Variants in SOX5 observed in about 807,000 individuals in gnomAD.
SOX5 encodes the protein transcription factor SOX-5.
SOX5 carries 9 observed loss-of-function variants against 92.0 expected under a neutral mutation model. That is an observed-to-expected ratio of 0.10 (90% CI 0.06 to 0.17). SOX5 has a LOEUF of 0.17. Among genes scored for constraint, SOX5 ranks in the 10% least tolerant of loss-of-function variants. The pLI, the probability that SOX5 is intolerant of heterozygous loss-of-function variation, is 1.00. For synonymous variants in SOX5, 344 were observed against 336.3 expected, an observed-to-expected ratio of 1.02 and a Z score of -0.25; for missense variants, 642 against 944.5, an observed-to-expected ratio of 0.68 and a Z score of 4.20.
At chr12:23,917,510 A>G (rs1284876193) in intron 1 of SOX5, among the ~76,000 whole-genome samples, 2 of 152,166 alleles carry the variant, frequency 1.3e-5, no homozygotes, top group African/African-American at 2.4e-5. Context: ...CTAAGATTGC[A>G]CCACTGCACT....
At chr12:23,624,150 G>A (rs768001290) in intron 8 of SOX5, among the ~76,000 whole-genome samples, 1 of 152,096 alleles carries the variant, frequency 6.6e-6, no homozygotes, top group African/African-American at 2.4e-5. Context: ...TTCATAGAGA[G>A]TGAAGGTAGA....
At chr12:24,168,572 C>T (rs909929852) in intron 4 of SOX5, among the ~76,000 whole-genome samples, 2 of 151,960 alleles carry the variant, frequency 1.3e-5, no homozygotes, top group Non-Finnish European at 2.9e-5. Context: ...TATACTGAAG[C>T]AGGAATGGCT....
intron 1 of SOX5, among the ~76,000 whole-genome samples, chr12:23,946,067 A>G (rs914943329): frequency 2.0e-5 from 3 of 152,118 alleles, no homozygotes; most frequent in Non-Finnish European, 4.4e-5. Flanking sequence ...TAAGAAAAAA[A>G]TTATTTAGTC....
At chr12:23,536,970 C>T (rs1035138151) in intron 13 of SOX5, among the ~76,000 whole-genome samples, 1 of 151,852 alleles carries the variant, frequency 6.6e-6, no homozygotes, top group Non-Finnish European at 1.5e-5. Context: ...TACATTAGAT[C>T]ATGATATAAT....
chr12:23,787,254 G>C (rs558969061), intron 3 of SOX5, among the ~76,000 whole-genome samples: 1 of 152,104 alleles, frequency 6.6e-6, no homozygotes, highest in Admixed American at 6.5e-5. Flanking sequence ...AAAGTAACTG[G>C]TATGATAAAG....
At chr12:24,346,606 C>T in intron 2 of SOX5, among the ~76,000 whole-genome samples, 1 of 152,004 alleles carries the variant, frequency 6.6e-6, no homozygotes, top group East Asian at 1.9e-4. Flanking sequence ...GTGCGTGCCA[C>T]CATGTCCAGC....
At chr12:24,503,323 GA>G (rs1948407283) in intron 1 of SOX5, among the ~76,000 whole-genome samples, 1 of 152,204 alleles carries the variant, frequency 6.6e-6, no homozygotes. Context: ...CTGGAAGCCA[GA>G]AGTTCAAGTC....
chr12:23,779,826 C>CACAA (rs1181590235), intron 3 of SOX5, among the ~76,000 whole-genome samples: 1 of 140,232 alleles, frequency 7.1e-6, no homozygotes, highest in African/African-American at 2.6e-5. Context: ...CACACACACA[C>CACAA]ACACACACAC....
At chr12:24,095,128 C>CACACACACACACAGAG (rs1345578614) in intron 4 of SOX5, among the ~76,000 whole-genome samples, 1 of 90,214 alleles carries the variant, frequency 1.1e-5, no homozygotes, top group Non-Finnish European at 2.3e-5. Flanking sequence ...CACACACACA[C>CACACACACACACAGAG]AGAGAGAGAG....
At chr12:23,622,621 T>C (rs1379569229) in intron 8 of SOX5, among the ~76,000 whole-genome samples, 1 of 152,136 alleles carries the variant, frequency 6.6e-6, no homozygotes, top group East Asian at 1.9e-4. Context: ...TTATCTCACA[T>C]AATTGGGAAA....
intron 3 of SOX5, among the ~76,000 whole-genome samples, chr12:23,839,966 A>G (rs1312692489): frequency 6.7e-6 from 1 of 148,510 alleles, no homozygotes; most frequent in Non-Finnish European, 1.5e-5. Flanking sequence ...CATTGTACTG[A>G]AACTCCTAGC....
rs539607763 is a variant in SOX5 at position 24,042,766 on chromosome 12, G to A, written c.-1-146742C>T. On this transcript the variant is annotated intron_variant, in intron 4 of 4. Transcript: ENST00000446891. ...AAGGATGCTAAAGAAATCCACCAATGGATATATATTTTTCATTACTATATT... is the reference window on the plus strand; with the variant it reads ...AAGGATGCTAAAGAAATCCACCAATAGATATATATTTTTCATTACTATATT... 1.0e-3 allele frequency among the ~76,000 whole-genome samples: 158 copies of A among 152,062 alleles called. 1 individual carries two copies. Among genetic ancestry groups the A allele is most frequent in the Non-Finnish European group, 1.8e-3 (124 of 67,944 alleles).
intron 4 of SOX5, among the ~76,000 whole-genome samples, chr12:24,151,734 C>G (rs1017810049): frequency 1.3e-5 from 2 of 152,106 alleles, no homozygotes; most frequent in Non-Finnish European, 2.9e-5. Flanking sequence ...TGCCCTCAAG[C>G]TTGGGTTGGA....
At chr12:24,434,726 T>C (rs987445217) in intron 1 of SOX5, among the ~76,000 whole-genome samples, 1 of 152,170 alleles carries the variant, frequency 6.6e-6, no homozygotes, top group African/African-American at 2.4e-5. Flanking sequence ...TTCCTTCTGC[T>C]CCAGCCATGT....
At chr12:24,308,089 G>A (rs1948799025) in intron 2 of SOX5, among the ~76,000 whole-genome samples, 1 of 152,128 alleles carries the variant, frequency 6.6e-6, no homozygotes, top group Admixed American at 6.5e-5. Context: ...TTAGGTGAGT[G>A]TGCTCAAGCA....
At chr12:24,207,158 T>C (rs1296767020) in intron 4 of SOX5, among the ~76,000 whole-genome samples, 2 of 152,244 alleles carry the variant, frequency 1.3e-5, no homozygotes, top group Admixed American at 6.5e-5. Flanking sequence ...AATATTTTAC[T>C]GTAAGCGTCT....
intron 6 of SOX5, among the ~76,000 whole-genome samples, chr12:23,700,559 G>T (rs1381781487): frequency 2.0e-5 from 3 of 151,984 alleles, no homozygotes; most frequent in African/African-American, 4.8e-5. Context: ...GGTATGGGAA[G>T]CAAAAGCTGA....
intron 4 of SOX5, among the ~76,000 whole-genome samples, chr12:24,011,023 C>T (rs1241465409): frequency 6.6e-6 from 1 of 151,678 alleles, no homozygotes; most frequent in Admixed American, 6.6e-5. Flanking sequence ...CAAATGACAA[C>T]ATAATTGCTA....
At chr12:23,575,180 CTT>C (rs1280212920) in intron 10 of SOX5, among the ~76,000 whole-genome samples, 2 of 152,166 alleles carry the variant, frequency 1.3e-5, no homozygotes, top group African/African-American at 2.4e-5. Context: ...GCTATCCACT[CTT>C]TATAATACTT....
Sources: allele counts gnomAD v4.1 joint callset (sites outside exome capture counted in the v4.1 genomes callset), GRCh38; gene constraint gnomAD v4.1.1; transcripts MANE v1.5; gene names NCBI Gene and HGNC (gene_info 2026-07-23, HGNC 2026-07-21).